SGCZ: variants seen among roughly 807,000 people sequenced by gnomAD.
The protein encoded by SGCZ is sarcoglycan zeta.
SGCZ carries 40 observed loss-of-function variants against 41.3 expected under a neutral mutation model. The ratio of observed to expected loss-of-function variants is 0.97; its 90% confidence interval spans 0.75 to 1.26. The LOEUF (loss-of-function observed/expected upper bound fraction) is 1.26. SGCZ is among the 50% of genes most tolerant of loss of function. The pLI, the probability that SGCZ is intolerant of heterozygous loss-of-function variation, is 0.00. For synonymous variants in SGCZ, 206 were observed against 137.5 expected (o/e 1.50, Z -3.49); for missense variants, 552 against 369.8 (o/e 1.49, Z -4.04).
chr8:14,902,896 A>G (rs979124265), intron 1 of SGCZ, among the ~76,000 whole-genome samples: 1 of 152,146 alleles, frequency 6.6e-6, no homozygotes, highest in Non-Finnish European at 1.5e-5. Context: ...TAATGAATAT[A>G]CGTCTCCCTG....
chr8:15,084,820 G>C (rs1286846285), intron 1 of SGCZ, among the ~76,000 whole-genome samples: 3 of 151,974 alleles, frequency 2.0e-5, no homozygotes, highest in East Asian at 3.9e-4. Flanking sequence ...ACATATTTTT[G>C]GCTACTGGAC....
intron 1 of SGCZ, among the ~76,000 whole-genome samples, chr8:15,061,384 G>C (rs1456881786): frequency 6.6e-6 from 1 of 151,898 alleles, no homozygotes. Context: ...GGCCTGTTGG[G>C]GGTGCGGGGC....
At chr8:15,027,220 T>G (rs1803490121) in intron 1 of SGCZ, among the ~76,000 whole-genome samples, 1 of 152,116 alleles carries the variant, frequency 6.6e-6, no homozygotes, top group South Asian at 2.1e-4. Context: ...TGTACTGACA[T>G]TTTTGAAATT....
chr8:14,675,230 G>A (rs866817853), intron 1 of SGCZ, among the ~76,000 whole-genome samples: 8 of 151,622 alleles, frequency 5.3e-5, no homozygotes, highest in Non-Finnish European at 1.0e-4. Context: ...GTGAGCCACC[G>A]CACCCGGCCA....
chr8:14,867,825 T>C (rs146933706), intron 1 of SGCZ, among the ~76,000 whole-genome samples: 3,556 of 151,690 alleles, frequency 0.023, 50 homozygotes, highest in Middle Eastern at 0.048. Flanking sequence ...CCAGGCTTAG[T>C]ACCTGGGTGA....
At chr8:14,616,847 A>G (rs1026813390) in intron 1 of SGCZ, among the ~76,000 whole-genome samples, 4 of 152,130 alleles carry the variant, frequency 2.6e-5, no homozygotes, top group African/African-American at 9.6e-5. Flanking sequence ...ATCTTTGTCT[A>G]TTTTTACATG....
chr8:15,058,150 G>A (rs1000522652), intron 1 of SGCZ, among the ~76,000 whole-genome samples: 1 of 152,144 alleles, frequency 6.6e-6, no homozygotes, highest in Non-Finnish European at 1.5e-5. Flanking sequence ...CCATACACAT[G>A]AACACTAATA....
intron 1 of SGCZ, among the ~76,000 whole-genome samples, chr8:15,151,868 G>A (rs373920889): frequency 5.3e-5 from 8 of 152,084 alleles, no homozygotes; most frequent in Admixed American, 6.5e-5. Context: ...TTCATCTTCA[G>A]AGAACTCTTG....
At chr8:14,486,088 A>C (rs938297369) in intron 2 of SGCZ, among the ~76,000 whole-genome samples, 3 of 152,184 alleles carry the variant, frequency 2.0e-5, no homozygotes, top group African/African-American at 7.2e-5. Context: ...GTCAGTTAAT[A>C]AATATTTCAA....
chr8:14,426,424 T>C (rs1373537541), intron 2 of SGCZ, among the ~76,000 whole-genome samples: 5 of 148,226 alleles, frequency 3.4e-5, no homozygotes, highest in Non-Finnish European at 7.4e-5. Context: ...AGTATTATGA[T>C]GTTGGTGGTG....
intron 2 of SGCZ, among the ~76,000 whole-genome samples, chr8:14,374,464 T>G (rs967577466): frequency 2.0e-5 from 3 of 152,032 alleles, no homozygotes; most frequent in African/African-American, 7.3e-5. Context: ...AATTCTTAAC[T>G]AATTGAATTT....
At chr8:14,791,084 A>G (rs545503381) in intron 1 of SGCZ, among the ~76,000 whole-genome samples, 80 of 152,146 alleles carry the variant, frequency 5.3e-4, no homozygotes, top group African/African-American at 1.8e-3. Flanking sequence ...ATACAATATG[A>G]TCATTATTGC....
At chr8:14,260,513 T>C (rs999383248) in intron 3 of SGCZ, among the ~76,000 whole-genome samples, 4 of 146,382 alleles carry the variant, frequency 2.7e-5, no homozygotes, top group Non-Finnish European at 6.0e-5. Flanking sequence ...TGTAAACTAG[T>C]TCAACCATTG....
intron 5 of SGCZ, among the ~76,000 whole-genome samples, chr8:14,157,038 T>G (rs1250476655): frequency 6.6e-6 from 1 of 152,192 alleles, no homozygotes; most frequent in African/African-American, 2.4e-5. Context: ...TCAAGTATTA[T>G]GTACTGTGCA....
At position 14,993,816 on chromosome 8, in the gene SGCZ, G is replaced by A. The variant is rs142560057; in HGVS notation, c.39+243769C>T. Among the ~76,000 whole-genome samples the A allele has an allele frequency of 9.2e-5, 14 of 152,258 alleles. No individual in the cohort carries two copies. In the East Asian group the frequency reaches 1.7e-3, roughly 19 times the overall value. The stretch of plus-strand genomic sequence containing the variant: ...GACGCAAGATAAGGTAGGGATTTAT[G>A]GGCCTCTGTTGGGATTTTTGCTTTT... On this transcript the variant is annotated intron_variant, in intron 1 of 7. Coordinates refer to ENST00000382080, the MANE Select transcript of SGCZ (RefSeq NM_139167.4).
At chr8:15,106,952 C>T (rs1468353458) in intron 1 of SGCZ, among the ~76,000 whole-genome samples, 2 of 151,980 alleles carry the variant, frequency 1.3e-5, no homozygotes, top group Admixed American at 6.6e-5. Context: ...ATTAATTATA[C>T]ATATATTTAA....
chr8:15,056,998 C>A (rs879061470), intron 1 of SGCZ, among the ~76,000 whole-genome samples: 1 of 152,100 alleles, frequency 6.6e-6, no homozygotes, highest in African/African-American at 2.4e-5. Flanking sequence ...ATTGCGTGCA[C>A]GAGGCTCTGA....
At chr8:14,687,426 T>C (rs1346908030) in intron 1 of SGCZ, among the ~76,000 whole-genome samples, 2 of 150,276 alleles carry the variant, frequency 1.3e-5, no homozygotes, top group Admixed American at 6.7e-5. Context: ...TTCCCACCTA[T>C]GAGTGAGAAT....
At chr8:14,879,205 G>C (rs1014533165) in intron 1 of SGCZ, 1 of 152,268 alleles carries the variant, frequency 6.6e-6, no homozygotes, top group Admixed American at 6.5e-5. Context: ...GCACATGCCT[G>C]TTTTCTCAGC....
Sources: allele counts gnomAD v4.1 joint callset (sites outside exome capture counted in the v4.1 genomes callset), GRCh38; gene constraint gnomAD v4.1.1; transcripts MANE v1.5; gene names NCBI Gene and HGNC (gene_info 2026-07-23, HGNC 2026-07-21).